RNF40: variants seen among roughly 807,000 people sequenced by gnomAD.
The protein encoded by RNF40 is ring finger protein 40.
Under a neutral mutation model 123.3 loss-of-function variants are expected in RNF40, and 39 were observed. That is an observed-to-expected ratio of 0.32 (90% CI 0.24 to 0.41). RNF40 has a LOEUF of 0.41. Ranked by LOEUF, RNF40 falls within the 10% of genes least tolerant of loss-of-function variation. The pLI, the probability that RNF40 is intolerant of heterozygous loss-of-function variation, is 1.00. For synonymous variants in RNF40, 538 were observed against 526.0 expected, an observed-to-expected ratio of 1.02 and a Z score of -0.31; for missense variants, 1,003 against 1,319.9, an observed-to-expected ratio of 0.76 and a Z score of 3.72.
intron 6 of RNF40, 50 bp downstream of exon 6, chr16:30,765,109 G>A (rs1567283058): frequency 3.7e-6 from 6 of 1,611,512 alleles, no homozygotes; most frequent in Non-Finnish European, 5.1e-6. Flanking sequence ...GCAGGATTTG[G>A]GTTAGATGGG....
chr16:30,764,158 G>T, intron 4 of RNF40, 21 bp from the exon 5 acceptor site: 2 of 1,589,570 alleles, frequency 1.3e-6, no homozygotes, highest in South Asian at 2.3e-5. Flanking sequence ...ATCCTCATGA[G>T]GGTCTGTCCA....
In RNF40 at chr16:30,768,690, G is replaced by A. The variant is rs746020538; in HGVS notation, c.2051G>A (p.Arg684Gln). 5.6e-6 allele frequency: 9 copies of A among 1,614,020 alleles called. No individual in the cohort carries two copies. The highest frequency in any genetic ancestry group is 1.1e-5 in the South Asian group (1 of 91,084). The change falls in exon 14 of 20, where the codon CGG becomes CAG. Residue 684 changes from arginine (R) to glutamine (Q), a missense_variant. Transcript: ENST00000324685. This position sits in a 1 kb window ranked among gnomAD's most constrained non-coding sequence, Gnocchi z 4.1. ...TACAAGTCAGCGCCCAAGGAGCAGCGGGATAAGGTGCAGCTCATGGCAGCG... is the reference window on the plus strand; with the variant it reads ...TACAAGTCAGCGCCCAAGGAGCAGCAGGATAAGGTGCAGCTCATGGCAGCG... ...DMYKSAPKEQ[R>Q]DKVQLMAAER...
chr16:30,765,333 G>A lies in RNF40; in HGVS notation c.918+6G>A. On this transcript the variant is annotated splice_donor_region_variant and intron_variant, in intron 7 of 19. Coordinates refer to ENST00000324685, the MANE Select transcript of RNF40 (RefSeq NM_014771.4). The stretch of plus-strand genomic sequence containing the variant: ...TGGCAGAGGCCTTAGAGCAGGTGGG[G>A]CAGGGGTGCTGGGGCAGGTGAGGCA... The A allele has an allele frequency of 6.2e-7, 1 of 1,614,194 alleles. No individual in the cohort carries two copies. The highest frequency in any genetic ancestry group is 2.2e-5 in the East Asian group (1 of 44,884).
chr16:30,762,314 C>A, upstream of RNF40: 2 of 501,770 alleles, frequency 4.0e-6, no homozygotes, highest in Non-Finnish European at 6.9e-6. Context: ...CGCCCAGTGA[C>A]GTCCGGTGAA....
At chr16:30,763,627 T>G in intron 4 of RNF40, 68 bp downstream of exon 4, 1 of 1,543,958 alleles carries the variant, frequency 6.5e-7, no homozygotes, top group Non-Finnish European at 8.8e-7. Flanking sequence ...GAGGGGACTT[T>G]GGTGTTGGGC....
In RNF40 at chr16:30,766,100, T is replaced by C. The variant is rs2054026155; in HGVS notation, c.994-63T>C. On this transcript the variant is annotated intron_variant, in intron 8 of 19. Coordinates refer to ENST00000324685, the MANE Select transcript of RNF40 (RefSeq NM_014771.4). This position sits in a 1 kb window ranked among gnomAD's most constrained non-coding sequence, Gnocchi z 5.4. Reference sequence around the variant, plus strand: ...CTTGGGGTGGAGTGTATGCTGGGGATGTAAGGGAGGCCTGCTGCCACGTCT... The same window carrying C: ...CTTGGGGTGGAGTGTATGCTGGGGACGTAAGGGAGGCCTGCTGCCACGTCT... The C allele has an allele frequency of 6.2e-7, 1 of 1,610,040 alleles. No individual in the cohort carries two copies. Among genetic ancestry groups the C allele is most frequent in the African/African-American group, 1.3e-5 (1 of 74,844 alleles).
chr16:30,775,358 G>T lies in RNF40; in HGVS notation c.*1244G>T, dbSNP rs1175246958. ...AGAGCGTGGTGGTCGTCGCGGAGCCGCCTGTCCTGCTCCCACCGACCCCGG... is the reference window on the plus strand; with the variant it reads ...AGAGCGTGGTGGTCGTCGCGGAGCCTCCTGTCCTGCTCCCACCGACCCCGG... On this transcript the variant is annotated 3_prime_UTR_variant, in exon 20 of 20. Coordinates refer to ENST00000324685, the MANE Select transcript of RNF40 (RefSeq NM_014771.4). The T allele has an allele frequency of 1.1e-5, 3 of 281,132 alleles. No individual in the cohort carries two copies. The highest frequency in any genetic ancestry group is 2.2e-5 in the African/African-American group (1 of 44,768). The allele number at this position is 281,132 out of a possible 1,614,324, so 17.4% of individuals were successfully genotyped here.
chr16:30,766,251 A>G lies in RNF40; in HGVS notation c.1082A>G (p.Gln361Arg), dbSNP rs1224265856. 2 of 1,614,094 alleles carry G rather than the reference A, an allele frequency of 1.2e-6. No homozygotes were observed. The highest frequency in any genetic ancestry group is 2.7e-5 in the African/African-American group (2 of 75,044). Residue 361 changes from glutamine (Q) to arginine (R), a missense_variant, in exon 9 of 20, where the codon CAG becomes CGG. Gln to Arg is a conservative substitution (Grantham distance 43). Coordinates refer to ENST00000324685, the MANE Select transcript of RNF40 (RefSeq NM_014771.4). This position sits in a 1 kb window ranked among gnomAD's most constrained non-coding sequence, Gnocchi z 5.4. The part of the protein sequence containing the change: ...AELEKLQAEL[Q>R]GAVRTNERLK... ...CTGGAGAAACTGCAGGCCGAACTTC[A>G]GGGGGCTGTGCGGACCAATGAGCGC...
chr16:30,765,438 A>G lies in RNF40; in HGVS notation c.932A>G (p.Tyr311Cys). ...AEALEQLNSG[Y>C]YVSGSSSGFQ... is the part of the protein sequence containing the mutation. ...TTCTCTCCACAGCTTAACTCTGGCTACTATGTATCTGGGAGCTCCTCAGGC... is the reference window on the plus strand; with the variant it reads ...TTCTCTCCACAGCTTAACTCTGGCTGCTATGTATCTGGGAGCTCCTCAGGC... The change falls in exon 8 of 20, where the codon TAC becomes TGC. Residue 311 changes from tyrosine (Y) to cysteine (C), a missense_variant. By Grantham distance (194) the Tyr-to-Cys change is radical (BLOSUM62 -2). Coordinates refer to ENST00000324685, the MANE Select transcript of RNF40 (RefSeq NM_014771.4). 1 of 1,614,162 alleles carries G rather than the reference A, an allele frequency of 6.2e-7. No individual in the cohort carries two copies. The highest frequency in any genetic ancestry group is 2.2e-5 in the East Asian group (1 of 44,882).
chr16:30,770,265 G>A (rs930449656), intron 17 of RNF40, among the ~76,000 whole-genome samples: 3 of 151,550 alleles, frequency 2.0e-5, no homozygotes, highest in African/African-American at 4.9e-5. Context: ...GCACCACCAC[G>A]CCTGGCTAAT....
chr16:30,761,691 G>A, upstream of RNF40: 1 of 1,535,708 alleles, frequency 6.5e-7, no homozygotes, highest in Non-Finnish European at 8.7e-7. Context: ...TCGGAGAGAT[G>A]TTCAAGCTCC....
intron 2 of RNF40, 92 bp from the exon 3 acceptor site, chr16:30,763,026 C>T: frequency 1.4e-6 from 2 of 1,383,414 alleles, no homozygotes; most frequent in Non-Finnish European, 2.0e-6. Context: ...ATCTCCCATG[C>T]ATTGCAGATG....
chr16:30,773,906 T>C (rs1159113433), intron 19 of RNF40, 32 bp from the exon 20 acceptor site: 3 of 1,592,568 alleles, frequency 1.9e-6, no homozygotes, highest in Non-Finnish European at 2.6e-6. Context: ...CTGTCAGAGT[T>C]GTTCCCAAGC....
Position 30,762,689 on chromosome 16 carries a change from C to T in RNF40, c.132+12C>T, listed in dbSNP as rs770534329. 2.5e-6 allele frequency: 4 copies of T among 1,611,802 alleles called. No individual in the cohort carries two copies. The highest frequency in any genetic ancestry group is 2.2e-5 in the South Asian group (2 of 90,756). ...GCATCTCTTCCACGGTTCGTGGGCT[C>T]TTGCCTTAACCCTCAGAACTTCCCA... On this transcript the variant is annotated intron_variant, in intron 2 of 19. Transcript: ENST00000324685.
chr16:30,773,921 G>C lies in RNF40; in HGVS notation c.2830-17G>C. The C allele has an allele frequency of 1.2e-6, 2 of 1,602,934 alleles. No homozygotes were observed. Among genetic ancestry groups the C allele is most frequent in the Non-Finnish European group, 1.7e-6 (2 of 1,171,966 alleles). ...CTGTCAGAGTTGTTCCCAAGCTGAT[G>C]CCTTTGCCTGGCCCAGGCGCGGTTG... On this transcript the variant is annotated splice_polypyrimidine_tract_variant and intron_variant, in intron 19 of 19. Coordinates refer to ENST00000324685, the MANE Select transcript of RNF40 (RefSeq NM_014771.4).
chr16:30,765,119 G>A, intron 6 of RNF40, 60 bp downstream of exon 6: 1 of 1,611,310 alleles, frequency 6.2e-7, no homozygotes, highest in Admixed American at 1.7e-5. Context: ...GGTTAGATGG[G>A]CACTCAGGGA....
chr16:30,768,042 G>A lies in RNF40; in HGVS notation c.1551+27G>A. ...TGAGAAGGGGCCTGCCTGGGAAAAGGTTTGGCTAGACTCCAGTGAACACCA... is the reference window on the plus strand; with the variant it reads ...TGAGAAGGGGCCTGCCTGGGAAAAGATTTGGCTAGACTCCAGTGAACACCA... On this transcript the variant is annotated intron_variant, in intron 12 of 19. Transcript: ENST00000324685. The surrounding 1 kb of genome is among the most constrained non-coding windows in gnomAD (Gnocchi z 4.1). The A allele has an allele frequency of 6.2e-7, 1 of 1,614,234 alleles. No homozygotes were observed. Among genetic ancestry groups the A allele is most frequent in the African/African-American group, 1.3e-5 (1 of 75,064 alleles).
rs758534103 is a variant in RNF40, at chr16:30,772,086, C to T, written c.2728-3C>T. 3.2e-6 allele frequency: 5 copies of T among 1,565,658 alleles called. No individual in the cohort carries two copies. The South Asian group carries it at 5.8e-5, about 18-fold the overall frequency. On this transcript the variant is annotated splice_region_variant and splice_polypyrimidine_tract_variant and intron_variant, in intron 18 of 19. Transcript: ENST00000324685. ...GCCCTTAGCCAGGCCTCTCCTGCCCCAGGAGGACATCTCACGGCTGCGGCG... is the reference window on the plus strand; with the variant it reads ...GCCCTTAGCCAGGCCTCTCCTGCCCTAGGAGGACATCTCACGGCTGCGGCG...
Position 30,766,724 on chromosome 16 carries a change from A to C in RNF40, c.1294-17A>C. 6.2e-7 allele frequency: 1 copy of C among 1,613,824 alleles called. No individual in the cohort carries two copies. The highest frequency in any genetic ancestry group is 8.5e-7 in the Non-Finnish European group (1 of 1,179,964). On this transcript the variant is annotated splice_polypyrimidine_tract_variant and intron_variant, in intron 10 of 19. Transcript: ENST00000324685. The surrounding 1 kb of genome is among the most constrained non-coding windows in gnomAD (Gnocchi z 5.4). ...GGACCGAGGGGCTGTGTGGGTCCTT[A>C]ACACATCAACCCACAGAGCGACGAG...
Sources: allele counts gnomAD v4.1 joint callset (sites outside exome capture counted in the v4.1 genomes callset), GRCh38; gene constraint gnomAD v4.1.1; non-coding constraint Gnocchi (gnomAD v3.1); transcripts MANE v1.5; gene names NCBI Gene and HGNC (gene_info 2026-07-23, HGNC 2026-07-21).